The following MEIOSIN variants were observed in gnomAD, a reference collection of about 807,000 sequenced individuals.
MEIOSIN encodes the protein meiosis initiator protein.
Under a neutral mutation model 23.4 loss-of-function variants are expected in MEIOSIN, and 18 were observed. The ratio of observed to expected loss-of-function variants is 0.77; its 90% CI spans 0.53 to 1.14. MEIOSIN has a LOEUF of 1.14. MEIOSIN is among the 50% of genes most tolerant of loss of function. The pLI is 0.00. For synonymous variants in MEIOSIN, 187 were observed against 100.6 expected (o/e 1.86, Z -5.14); for missense variants, 428 against 242.9 (o/e 1.76, Z -5.07).
chr19:45,756,653 G>T (rs568742000), intron 8 of MEIOSIN, among the ~76,000 whole-genome samples: 1 of 152,140 alleles, frequency 6.6e-6, no homozygotes, highest in African/African-American at 2.4e-5. Context: ...TGAACTCGTA[G>T]GCTCAAGCAA....
intron 2 of MEIOSIN, among the ~76,000 whole-genome samples, chr19:45,738,571 A>T (rs1281738372): frequency 1.3e-5 from 2 of 152,230 alleles, no homozygotes; most frequent in Non-Finnish European, 2.9e-5. Flanking sequence ...GTGAGCCAAG[A>T]TCGCGCCGCT....
chr19:45,738,151 G>A (rs1210709576), intron 2 of MEIOSIN, among the ~76,000 whole-genome samples: 1 of 152,156 alleles, frequency 6.6e-6, no homozygotes, highest in African/African-American at 2.4e-5. Context: ...TTGGAGGTTG[G>A]ATCAGATTTC....
At chr19:45,749,373 CA>C (rs750228351) in intron 4 of MEIOSIN, among the ~76,000 whole-genome samples, 247 of 55,668 alleles carry the variant, frequency 4.4e-3, no homozygotes, top group Middle Eastern at 0.012. Flanking sequence ...GACCCTGTCT[CA>C]AAAAAAAAAA....
chr19:45,735,663 T>A (rs1968397405), intron 2 of MEIOSIN, among the ~76,000 whole-genome samples: 1 of 152,004 alleles, frequency 6.6e-6, no homozygotes, highest in Non-Finnish European at 1.5e-5. Context: ...TCGGCAAAGA[T>A]CATTGCTTAT....
intron 11 of MEIOSIN, among the ~76,000 whole-genome samples, chr19:45,760,927 A>G (rs1402005834): frequency 7.1e-6 from 1 of 139,900 alleles, no homozygotes; most frequent in Non-Finnish European, 1.6e-5. Context: ...TCCGTCTCAA[A>G]AAAAAAAAAA....
At chr19:45,759,273 C>T (rs1035361526) in intron 10 of MEIOSIN, 141 bp from the exon 11 acceptor site, 14 of 638,840 alleles carry the variant, frequency 2.2e-5, no homozygotes, top group Admixed American at 1.2e-4. Context: ...GGGCTGTGAG[C>T]GGGATTTGGA....
intron 2 of MEIOSIN, among the ~76,000 whole-genome samples, chr19:45,736,870 CTT>C (rs1179690772): frequency 1.3e-4 from 18 of 135,438 alleles, no homozygotes; most frequent in Admixed American, 1.5e-4. Context: ...TGCGCCCAGC[CTT>C]TTTTTTTTTT....
intron 3 of MEIOSIN, among the ~76,000 whole-genome samples, chr19:45,743,335 C>T (rs758873472): frequency 6.6e-6 from 1 of 152,044 alleles, no homozygotes; most frequent in East Asian, 1.9e-4. Context: ...TGTTTCTTGT[C>T]GGGTCTGCCA....
At chr19:45,762,378 C>T (rs187288371) in intron 13 of MEIOSIN, among the ~76,000 whole-genome samples, 195 bp downstream of exon 13, 297 of 152,122 alleles carry the variant, frequency 2.0e-3, no homozygotes, top group African/African-American at 6.5e-3. Context: ...CCATTGTCAG[C>T]GCTGAAACCC....
chr19:45,737,877 G>A (rs917061836), intron 2 of MEIOSIN, among the ~76,000 whole-genome samples: 13 of 151,124 alleles, frequency 8.6e-5, no homozygotes, highest in South Asian at 2.1e-4. Context: ...AGCCGAGATC[G>A]CGCCATTGCA....
rs1342291550 is a variant in MEIOSIN at position 45,743,463 on chromosome 19, A to G, written c.177-1729A>G. 3.3e-5 allele frequency among the ~76,000 whole-genome samples: 5 copies of G among 152,184 alleles called. No homozygotes were observed. The South Asian group carries it at 1.0e-3, about 32-fold the overall frequency. On this transcript the variant is annotated intron_variant, in intron 3 of 14. Transcript: ENST00000457052. ...ATTTATCTCGAAGGATAGAACCCCA[A>G]CACCCCCTTGGCTCAAAGTTATCGT...
In MEIOSIN at chr19:45,764,132, C is replaced by T. The variant is rs957379372; in HGVS notation, c.*14C>T. ...CACCTCCAGTGAGAGGGCGGCCCCT[C>T]GCCTCGCTCCCCTCACCCCTCATGG... On this transcript the variant is annotated 3_prime_UTR_variant, in exon 15 of 15. Transcript: ENST00000457052. The T allele has an allele frequency of 1.5e-5, 6 of 398,642 alleles. No homozygotes were observed. The highest frequency in any genetic ancestry group is 6.3e-4 in the Middle Eastern group (1 of 1,588). The allele number at this position is 398,642 out of a possible 1,614,324, so 24.7% of individuals were successfully genotyped here.
At chr19:45,754,183 G>T (rs1178032323) in intron 6 of MEIOSIN, among the ~76,000 whole-genome samples, 1 of 152,112 alleles carries the variant, frequency 6.6e-6, no homozygotes, top group Non-Finnish European at 1.5e-5. Flanking sequence ...CGCCATGTTG[G>T]CCAGGCTGGT....
chr19:45,761,647 C>T (rs991016101), intron 11 of MEIOSIN, 32 bp from the exon 12 acceptor site: 2 of 692,482 alleles, frequency 2.9e-6, no homozygotes, highest in South Asian at 1.5e-5. Flanking sequence ...CACTTGTCTC[C>T]CCTCCCATCT....
At chr19:45,739,325 A>G (rs1260421348) in intron 2 of MEIOSIN, among the ~76,000 whole-genome samples, 1 of 151,790 alleles carries the variant, frequency 6.6e-6, no homozygotes, top group East Asian at 1.9e-4. Flanking sequence ...TAATTTTCTC[A>G]TAGTTTTAGT....
rs569935747 is a variant in MEIOSIN at position 45,753,928 on chromosome 19, A to G, written c.556+140A>G. ...ACTCCCAGCTCCTCCTTGTATTAGC[A>G]CTGAGGCCTCACACCCGGAAACTTG... is the stretch of plus-strand genomic sequence containing the variant. On this transcript the variant is annotated intron_variant, in intron 6 of 14. Coordinates refer to ENST00000457052, the MANE Select transcript of MEIOSIN (RefSeq NM_001310124.2). 1.0e-5 allele frequency: 6 copies of G among 593,290 alleles called. No homozygotes were observed. The Admixed American group carries it at 1.8e-4, about 18-fold the overall frequency. 36.8% of individuals were successfully genotyped at this position (593,290 alleles called of 1,614,324 possible).
rs143325220 is a variant in MEIOSIN at position 45,751,852 on chromosome 19, T to C, written c.418+1066T>C. Among the ~76,000 whole-genome samples, 1,376 of 151,768 alleles carry C rather than the reference T, an allele frequency of 9.1e-3. 24 individuals are homozygous for C. Among genetic ancestry groups the C allele is most frequent in the African/African-American group, 0.031 (1,299 of 41,354 alleles). ...TTCAAGTGATTCTCCTGCCTCAGCC[T>C]CCCGAGTAGGTAGGATTACAGGCAC... On this transcript the variant is annotated intron_variant, in intron 5 of 14. Transcript: ENST00000457052.
chr19:45,739,282 C>T (rs1968460402), intron 2 of MEIOSIN, among the ~76,000 whole-genome samples: 1 of 152,070 alleles, frequency 6.6e-6, no homozygotes, highest in Non-Finnish European at 1.5e-5. Context: ...TCCCGAGTAG[C>T]TGAGATTACA....
intron 2 of MEIOSIN, among the ~76,000 whole-genome samples, chr19:45,736,392 A>C (rs1968408582): frequency 6.6e-6 from 1 of 151,566 alleles, no homozygotes; most frequent in Admixed American, 6.6e-5. Context: ...ACAGAGTCTA[A>C]CTCTGATGCC....
Sources: gnomAD v4.1 joint callset for allele counts (sites outside exome capture counted in the v4.1 genomes callset) on GRCh38, gnomAD v4.1.1 for gene constraint, MANE v1.5 for transcripts, NCBI Gene and HGNC (gene_info 2026-07-23, HGNC 2026-07-21) for gene names.